RAP1GDS1: variants seen among roughly 807,000 people sequenced by gnomAD.
The protein encoded by RAP1GDS1 is Rap1 GTPase-GDP dissociation stimulator 1, also known as RAP1, GTP-GDP dissociation stimulator 1.
In RAP1GDS1, 35 loss-of-function variants were observed where a neutral mutation model predicts 71.1. That is an observed-to-expected ratio of 0.49 (90% CI 0.38 to 0.65). RAP1GDS1 has a LOEUF of 0.65. Among genes scored for constraint, RAP1GDS1 ranks in the 30% least tolerant of loss-of-function variants. RAP1GDS1 has a pLI of 0.00. For synonymous variants in RAP1GDS1, 229 were observed against 243.1 expected, an observed-to-expected ratio of 0.94 and a Z score of 0.54; for missense variants, 663 against 706.1, an observed-to-expected ratio of 0.94 and a Z score of 0.69.
At chr4:98,416,347 T>G (rs1748000339) in intron 7 of RAP1GDS1, among the ~76,000 whole-genome samples, 1 of 124,888 alleles carries the variant, frequency 8.0e-6, no homozygotes, top group Non-Finnish European at 1.7e-5. Flanking sequence ...TTTTTTTTTT[T>G]TTTTTTTTTT....
intron 4 of RAP1GDS1, among the ~76,000 whole-genome samples, chr4:98,366,020 A>G (rs1049940263): frequency 6.6e-6 from 1 of 152,212 alleles, no homozygotes; most frequent in Non-Finnish European, 1.5e-5. Flanking sequence ...TGTCATTTGA[A>G]GTAAATACAA....
rs557162398 is a variant in RAP1GDS1, at chr4:98,375,477, T to G, written c.362-3540T>G. On this transcript the variant is annotated intron_variant, in intron 4 of 14. Transcript: ENST00000408927. The stretch of plus-strand genomic sequence containing the variant: ...ATGATAAGTAGAAATGACATTTATG[T>G]CTCAAAAACATTACTCATATCAGTA... Among the ~76,000 whole-genome samples, 174 of 152,266 alleles carry G rather than the reference T, an allele frequency of 1.1e-3. 1 individual carries two copies. In the South Asian group the frequency reaches 0.018, roughly 16 times the overall value.
In RAP1GDS1 at chr4:98,405,881, AT is replaced by A. The variant is rs1010556897; in HGVS notation, c.763+1280del. Among the ~76,000 whole-genome samples the A allele has an allele frequency of 5.3e-5, 8 of 152,174 alleles. No individual in the cohort carries two copies. In the South Asian group the frequency reaches 6.2e-4, roughly 12 times the overall value. Reference sequence around the variant, plus strand: ...TATAAACATTGAATATATCAAAAAAATAACTTATTGTGAAGTTTACAATGTA... The same window carrying A: ...TATAAACATTGAATATATCAAAAAAAAACTTATTGTGAAGTTTACAATGTA... On this transcript the variant is annotated intron_variant, in intron 7 of 14. Transcript: ENST00000408927.
chr4:98,383,488 C>G (rs978521420), intron 5 of RAP1GDS1, among the ~76,000 whole-genome samples: 4 of 151,354 alleles, frequency 2.6e-5, no homozygotes, highest in African/African-American at 9.7e-5. Context: ...TATTGAAAAA[C>G]TAATTTCTCT....
rs1561019512 is a variant in RAP1GDS1, at chr4:98,436,943, C to T, written c.1571C>T (p.Thr524Ile). 1.9e-6 allele frequency: 3 copies of T among 1,601,498 alleles called. No homozygotes were observed. The highest frequency in any genetic ancestry group is 2.3e-5 in the South Asian group (2 of 88,320). Residue 524 changes from threonine (T) to isoleucine (I), a missense_variant, in exon 14 of 15, where the codon ACT (threonine) becomes ATT (isoleucine). Coordinates refer to ENST00000408927, the MANE Select transcript of RAP1GDS1 (RefSeq NM_001100427.2). ...LALIAALELG[T>I]AEKDLESAKL... ...ATATACTTTGTTTTATTTGTAGGCA[C>T]TGCTGAGAAAGATCTAGAAAGTGCT...
At chr4:98,408,641 TTCC>T (rs1276042770) in intron 7 of RAP1GDS1, among the ~76,000 whole-genome samples, 3 of 152,130 alleles carry the variant, frequency 2.0e-5, no homozygotes, top group Non-Finnish European at 2.9e-5. Flanking sequence ...AGATCCAAAA[TTCC>T]TCCTAAAATT....
intron 2 of RAP1GDS1, among the ~76,000 whole-genome samples, chr4:98,320,002 A>G (rs1731552633): frequency 6.6e-6 from 1 of 152,150 alleles, no homozygotes; most frequent in Non-Finnish European, 1.5e-5. Flanking sequence ...GAAGACTTTT[A>G]TGATGATCCA....
intron 1 of RAP1GDS1, among the ~76,000 whole-genome samples, chr4:98,290,622 G>T (rs1035376625): frequency 5.9e-5 from 9 of 151,566 alleles, no homozygotes; most frequent in Admixed American, 2.0e-4. Context: ...TAAGATAAAA[G>T]AAAAAAAAGG....
At chr4:98,415,329 T>A (rs1424922997) in intron 7 of RAP1GDS1, among the ~76,000 whole-genome samples, 1 of 152,238 alleles carries the variant, frequency 6.6e-6, no homozygotes, top group Non-Finnish European at 1.5e-5. Flanking sequence ...CAAGCACACA[T>A]GTTCTACAAT....
At chr4:98,314,111 A>G (rs1472296251) in intron 2 of RAP1GDS1, among the ~76,000 whole-genome samples, 1 of 152,282 alleles carries the variant, frequency 6.6e-6, no homozygotes, top group East Asian at 1.9e-4. Flanking sequence ...TTGGCTCGTA[A>G]TAACTTAGTT....
intron 2 of RAP1GDS1, among the ~76,000 whole-genome samples, chr4:98,342,270 T>A (rs142685939): frequency 1.1e-3 from 162 of 152,310 alleles, no homozygotes; most frequent in Non-Finnish European, 1.6e-3. Context: ...TGTATGTATA[T>A]CCAAGAATCT....
chr4:98,343,061 A>G lies in RAP1GDS1; in HGVS notation c.113-78A>G, dbSNP rs1346518888. ...TATTATGGGTGGGAAAAATTCTTGA[A>G]GAATTTATTGTAGATAATGGTTGTC... On this transcript the variant is annotated intron_variant, in intron 2 of 14. Coordinates refer to ENST00000408927, the MANE Select transcript of RAP1GDS1 (RefSeq NM_001100427.2). 3 of 1,414,882 alleles carry G rather than the reference A, an allele frequency of 2.1e-6. No homozygotes were observed. The Admixed American group carries it at 7.6e-5, about 36-fold the overall frequency. The allele number at this position is 1,414,882 out of a possible 1,614,324, so 87.6% of individuals were successfully genotyped here.
At chr4:98,307,847 G>T (rs1578381235) in intron 2 of RAP1GDS1, among the ~76,000 whole-genome samples, 2 of 152,210 alleles carry the variant, frequency 1.3e-5, no homozygotes, top group African/African-American at 4.8e-5. Flanking sequence ...CCGACTTACT[G>T]TATTGGGTTA....
intron 2 of RAP1GDS1, among the ~76,000 whole-genome samples, chr4:98,328,020 T>A (rs1446261307): frequency 6.6e-6 from 1 of 152,234 alleles, no homozygotes; most frequent in Non-Finnish European, 1.5e-5. Context: ...GTTTGCATAA[T>A]GGTTTTGAGC....
At chr4:98,265,762 T>G (rs924273748) in intron 1 of RAP1GDS1, among the ~76,000 whole-genome samples, 1 of 152,114 alleles carries the variant, frequency 6.6e-6, no homozygotes, top group Non-Finnish European at 1.5e-5. Context: ...AAGACTAGAA[T>G]TGGTATATGG....
intron 5 of RAP1GDS1, chr4:98,387,495 C>A (rs1285679274): frequency 4.4e-6 from 2 of 455,862 alleles, no homozygotes; most frequent in Non-Finnish European, 8.8e-6. Context: ...CATTGAAATT[C>A]AAATGTAGGT....
intron 2 of RAP1GDS1, among the ~76,000 whole-genome samples, chr4:98,314,412 T>TA (rs1336596245): frequency 6.6e-6 from 1 of 152,190 alleles, no homozygotes; most frequent in East Asian, 1.9e-4. Context: ...AATCTTAAAA[T>TA]ATAAGACAAT....
At chr4:98,286,542 A>G (rs1224587705) in intron 1 of RAP1GDS1, among the ~76,000 whole-genome samples, 1 of 152,180 alleles carries the variant, frequency 6.6e-6, no homozygotes, top group Non-Finnish European at 1.5e-5. Flanking sequence ...ATGACAAGTA[A>G]GACTAGAGTG....
intron 4 of RAP1GDS1, among the ~76,000 whole-genome samples, chr4:98,367,539 C>G (rs1739684390): frequency 6.6e-6 from 1 of 152,184 alleles, no homozygotes; most frequent in Non-Finnish European, 1.5e-5. Flanking sequence ...GCACCAGGCA[C>G]CTGGAAAAGC....
Sources: gnomAD v4.1 joint callset for allele counts (sites outside exome capture counted in the v4.1 genomes callset) on GRCh38, gnomAD v4.1.1 for gene constraint, MANE v1.5 for transcripts, NCBI Gene and HGNC (gene_info 2026-07-23, HGNC 2026-07-21) for gene names.